The following OTUD7B variants were observed in gnomAD, a reference collection of about 807,000 sequenced individuals.
The protein encoded by OTUD7B is OTU domain-containing protein 7B.
OTUD7B carries 34 observed loss-of-function variants against 82.2 expected under a neutral mutation model. The observed-to-expected ratio is 0.41, with a 90% CI of 0.31 to 0.55. The LOEUF is 0.55. Ranked by LOEUF, OTUD7B falls within the 20% of genes least tolerant of loss-of-function variation. The pLI is 0.20. For missense variants in OTUD7B, 944 were observed against 1,062.1 expected, an observed-to-expected ratio of 0.89 and a Z score of 1.55; for synonymous variants, 398 against 402.7, an observed-to-expected ratio of 0.99 and a Z score of 0.14.
chr1:149,987,854 A>G (rs1165951329), intron 1 of OTUD7B, among the ~76,000 whole-genome samples: 2 of 152,162 alleles, frequency 1.3e-5, no homozygotes, highest in African/African-American at 2.4e-5. Flanking sequence ...CAAAAATAAC[A>G]GCAAAAGAAA....
In OTUD7B at chr1:149,949,981, C is replaced by T. The variant is rs1050992214; in HGVS notation, c.973+113G>A. 4.9e-5 allele frequency: 71 copies of T among 1,457,022 alleles called. No homozygotes were observed. The African/African-American group carries it at 9.3e-4, about 19-fold the overall frequency. 90.3% of individuals were successfully genotyped at this position (1,457,022 alleles called of 1,614,324 possible). ...TTGCACTATTCTAATTGATAACTTG[C>T]TTTTTCCCCAAGGGTCTATATATCC... On this transcript the variant is annotated intron_variant, in intron 8 of 11. Transcript: ENST00000581312.
At chr1:150,042,199 A>G in the OTUD7B span, among the ~76,000 whole-genome samples, 1 of 116,302 alleles carries the variant, frequency 8.6e-6, no homozygotes. Context: ...TCCTTCCTTC[A>G]TCTCACTCTG....
chr1:150,034,767 T>C, the OTUD7B span, among the ~76,000 whole-genome samples: 2 of 152,198 alleles, frequency 1.3e-5, no homozygotes, highest in Non-Finnish European at 2.9e-5. Flanking sequence ...TATAAATATA[T>C]GCATAGGCTT....
chr1:149,985,168 G>A (rs1039581537), intron 1 of OTUD7B, among the ~76,000 whole-genome samples: 38 of 152,204 alleles, frequency 2.5e-4, no homozygotes, highest in African/African-American at 8.9e-4. Context: ...AGCACTTTGG[G>A]AGGCCGAGGC....
At chr1:150,028,696 G>A in the OTUD7B span, among the ~76,000 whole-genome samples, 2 of 152,064 alleles carry the variant, frequency 1.3e-5, no homozygotes, top group Non-Finnish European at 2.9e-5. Context: ...TTGAGACAGG[G>A]TTTCGCTCTT....
chr1:150,061,367 C>G, the OTUD7B span, among the ~76,000 whole-genome samples: 2 of 152,154 alleles, frequency 1.3e-5, no homozygotes, highest in African/African-American at 2.4e-5. Context: ...GCCCTTAACT[C>G]TGGTTTATTT....
At chr1:149,971,032 A>G in intron 3 of OTUD7B, 31 bp downstream of exon 3, 1 of 1,513,620 alleles carries the variant, frequency 6.6e-7, no homozygotes, top group Non-Finnish European at 9.0e-7. Flanking sequence ...TTCCTACTCC[A>G]TATACGGAAA....
chr1:150,006,751 C>A (rs1010234417), intron 1 of OTUD7B, among the ~76,000 whole-genome samples: 46 of 152,194 alleles, frequency 3.0e-4, no homozygotes, highest in African/African-American at 1.1e-3. Flanking sequence ...GACTTCCCCA[C>A]AGGTTGGTGC....
At chr1:150,039,702 A>C in the OTUD7B span, among the ~76,000 whole-genome samples, 259 of 152,358 alleles carry the variant, frequency 1.7e-3, 1 homozygote, top group African/African-American at 6.0e-3. Flanking sequence ...AGTGTCTTTC[A>C]GAAAATATTT....
the OTUD7B span, among the ~76,000 whole-genome samples, chr1:150,026,642 C>T: frequency 6.6e-6 from 1 of 152,072 alleles, no homozygotes; most frequent in African/African-American, 2.4e-5. Context: ...TCTCGGGTTA[C>T]AAGGTCATAA....
At chr1:150,016,432 T>G in the OTUD7B span, among the ~76,000 whole-genome samples, 1 of 145,730 alleles carries the variant, frequency 6.9e-6, no homozygotes, top group African/African-American at 2.5e-5. Flanking sequence ...ATTTACTAAT[T>G]TTCTTTCTCT....
intron 1 of OTUD7B, among the ~76,000 whole-genome samples, chr1:150,005,151 T>G (rs1356986847): frequency 2.0e-5 from 3 of 152,234 alleles, no homozygotes; most frequent in African/African-American, 7.2e-5. Flanking sequence ...TAGTTTCACA[T>G]TTTAAAATTT....
chr1:149,948,873 G>A, intron 10 of OTUD7B, 96 bp downstream of exon 10: 1 of 793,004 alleles, frequency 1.3e-6, no homozygotes, highest in Non-Finnish European at 2.2e-6. Flanking sequence ...GCTTGTGACT[G>A]TCTTGCCTGA....
chr1:150,037,194 G>T, the OTUD7B span, among the ~76,000 whole-genome samples: 2 of 151,446 alleles, frequency 1.3e-5, no homozygotes, highest in Non-Finnish European at 2.9e-5. Flanking sequence ...AAGCATGCTG[G>T]CTGTCCTTGA....
chr1:149,977,407 C>G lies in OTUD7B; in HGVS notation c.85+19G>C. ...ACATTTTACTTTCTCTTTTCTCATT[C>G]TCCCCTACAACTCCTCACCTTCTAG... On this transcript the variant is annotated intron_variant, in intron 2 of 11. Transcript: ENST00000581312. 6.4e-7 allele frequency: 1 copy of G among 1,557,054 alleles called. No homozygotes were observed. The highest frequency in any genetic ancestry group is 8.9e-7 in the Non-Finnish European group (1 of 1,128,014).
rs191019784 is a variant in OTUD7B at position 149,968,157 on chromosome 1, G to A, written c.275-636C>T. ...TGTGCCCCTATAATCCCAGCTACTC[G>A]GGAGGCTGAGGTGGGAGAATTGCTT... On this transcript the variant is annotated intron_variant, in intron 3 of 11. Transcript: ENST00000581312. Among the ~76,000 whole-genome samples the A allele has an allele frequency of 9.2e-5, 14 of 151,432 alleles. No individual in the cohort carries two copies. The East Asian group carries it at 2.3e-3, about 25-fold the overall frequency.
At chr1:150,047,501 G>GT in the OTUD7B span, among the ~76,000 whole-genome samples, 1 of 151,822 alleles carries the variant, frequency 6.6e-6, no homozygotes, top group Non-Finnish European at 1.5e-5. Flanking sequence ...ATTTTTGTCT[G>GT]TTTTTTTCAA....
At chr1:149,995,815 C>T (rs782113897) in intron 1 of OTUD7B, among the ~76,000 whole-genome samples, 22 of 152,042 alleles carry the variant, frequency 1.4e-4, no homozygotes, top group Non-Finnish European at 2.5e-4. Flanking sequence ...GTAATAGTGG[C>T]CGTAATCTAA....
At chr1:150,006,034 T>G (rs1652640467) in intron 1 of OTUD7B, among the ~76,000 whole-genome samples, 1 of 152,224 alleles carries the variant, frequency 6.6e-6, no homozygotes, top group Non-Finnish European at 1.5e-5. Context: ...GCCAAATCTT[T>G]AATGCAAGAA....
Sources: allele counts gnomAD v4.1 joint callset (sites outside exome capture counted in the v4.1 genomes callset), GRCh38; gene constraint gnomAD v4.1.1; transcripts MANE v1.5; gene names NCBI Gene and HGNC (gene_info 2026-07-23, HGNC 2026-07-21).